The following GRID2 variants were observed in gnomAD, a reference collection of about 807,000 sequenced individuals.
GRID2 encodes the protein glutamate ionotropic receptor delta type subunit 2.
A neutral mutation model predicts 114.8 loss-of-function variants in GRID2; 33 were observed. The observed-to-expected ratio is 0.29, with a 90% CI of 0.22 to 0.38. The LOEUF is 0.38. Among genes scored for constraint, GRID2 ranks in the 10% least tolerant of loss-of-function variants. GRID2 has a pLI of 1.00. For missense variants in GRID2, 1,184 were observed against 1,257.7 expected, an observed-to-expected ratio of 0.94 and a Z score of 0.89; for synonymous variants, 505 against 449.9, an observed-to-expected ratio of 1.12 and a Z score of -1.55.
At chr4:93,367,896 A>C (rs540125948) in intron 8 of GRID2, among the ~76,000 whole-genome samples, 21 of 152,316 alleles carry the variant, frequency 1.4e-4, no homozygotes, top group African/African-American at 4.3e-4. Context: ...AAAATAAATA[A>C]CATAGGGTTG....
intron 9 of GRID2, among the ~76,000 whole-genome samples, chr4:93,401,573 A>C (rs1765889880): frequency 6.6e-6 from 1 of 152,144 alleles, no homozygotes; most frequent in East Asian, 1.9e-4. Context: ...ACATAAAGAG[A>C]ATAACTATTT....
rs192502288 is a variant in GRID2 at position 92,896,161 on chromosome 4, T to A, written c.245-188834T>A. Among the ~76,000 whole-genome samples, 146 of 152,276 alleles carry A rather than the reference T, an allele frequency of 9.6e-4. 3 individuals carry two copies. Among genetic ancestry groups the A allele is most frequent in the African/African-American group, 3.3e-3 (136 of 41,552 alleles). On this transcript the variant is annotated intron_variant, in intron 2 of 15. Transcript: ENST00000282020. ...ATAAGTACTAAAAAGAGAAGTTTTT[T>A]AAAAAGTCATAAAAATGCAAAACAA... is the stretch of plus-strand genomic sequence containing the variant.
chr4:93,413,340 A>G (rs1767391426), intron 9 of GRID2, among the ~76,000 whole-genome samples: 1 of 152,158 alleles, frequency 6.6e-6, no homozygotes, highest in Admixed American at 6.5e-5. Context: ...CATTGCTCTA[A>G]TGATCAGTGA....
At chr4:92,819,137 G>T (rs557037076) in intron 2 of GRID2, among the ~76,000 whole-genome samples, 2 of 151,926 alleles carry the variant, frequency 1.3e-5, no homozygotes, top group East Asian at 3.9e-4. Flanking sequence ...CAAATGTTAC[G>T]GCAATAGGAA....
In GRID2 at chr4:93,262,017, CTTCTTCCACAAA is replaced by C. The variant is rs922630609; in HGVS notation, c.1245+23528_1245+23539del. Among the ~76,000 whole-genome samples the C allele has an allele frequency of 1.1e-4, 17 of 151,624 alleles. No individual in the cohort carries two copies. In the East Asian group the frequency reaches 2.1e-3, roughly 19 times the overall value. ...CTGATCTTATCCGTCCAGCTTCTGGCTTCTTCCACAAAGGGTTTAAAGAAACTTGGAGAAATA... is the reference window on the plus strand; with the variant it reads ...CTGATCTTATCCGTCCAGCTTCTGGCGGGTTTAAAGAAACTTGGAGAAATA... On this transcript the variant is annotated intron_variant, in intron 8 of 15. Coordinates refer to ENST00000282020, the MANE Select transcript of GRID2 (RefSeq NM_001510.4).
intron 14 of GRID2, among the ~76,000 whole-genome samples, chr4:93,664,486 G>A (rs1723779914): frequency 6.6e-6 from 1 of 152,180 alleles, no homozygotes; most frequent in Admixed American, 6.5e-5. Flanking sequence ...ATGTGAAGTG[G>A]TCTGATTCTG....
At chr4:92,605,537 T>C (rs922322012) in intron 2 of GRID2, among the ~76,000 whole-genome samples, 3 of 152,070 alleles carry the variant, frequency 2.0e-5, no homozygotes, top group African/African-American at 4.8e-5. Context: ...ATGTGTATGA[T>C]TTAAAATCAA....
At chr4:93,113,547 A>T (rs1287979925) in intron 4 of GRID2, among the ~76,000 whole-genome samples, 5 of 152,236 alleles carry the variant, frequency 3.3e-5, no homozygotes, top group African/African-American at 1.2e-4. Context: ...TTTCCAGTTC[A>T]TCGTAGAAAC....
chr4:93,400,853 T>C lies in GRID2; in HGVS notation c.1347+5145T>C, dbSNP rs114381157. 7.6e-3 allele frequency among the ~76,000 whole-genome samples: 1,152 copies of C among 152,200 alleles called. 15 individuals are homozygous for C. Among genetic ancestry groups the C allele is most frequent in the African/African-American group, 0.026 (1,082 of 41,534 alleles). Reference sequence around the variant, plus strand: ...AGAGTTTTTTTGTTGTTTGTTTTTATTGAGACAGGCTCTCACTCCTTCACC... The same window carrying C: ...AGAGTTTTTTTGTTGTTTGTTTTTACTGAGACAGGCTCTCACTCCTTCACC... On this transcript the variant is annotated intron_variant, in intron 9 of 15. Coordinates refer to ENST00000282020, the MANE Select transcript of GRID2 (RefSeq NM_001510.4).
intron 14 of GRID2, among the ~76,000 whole-genome samples, chr4:93,683,286 C>G (rs1207576246): frequency 6.6e-6 from 1 of 151,996 alleles, no homozygotes; most frequent in African/African-American, 2.4e-5. Flanking sequence ...GAATAATGCA[C>G]TGAATTTTAA....
intron 2 of GRID2, among the ~76,000 whole-genome samples, chr4:92,792,893 AT>A (rs11456511): frequency 0.12 from 15,369 of 133,114 alleles, 738 homozygotes; most frequent in East Asian, 0.24. Context: ...CATAATATCC[AT>A]TTTTTTTTTT....
At chr4:93,667,390 T>TC (rs1724041230) in intron 14 of GRID2, among the ~76,000 whole-genome samples, 1 of 137,274 alleles carries the variant, frequency 7.3e-6, no homozygotes, top group African/African-American at 3.3e-5. Flanking sequence ...CTCTCTCTCT[T>TC]TTTTTTTTTT....
intron 2 of GRID2, among the ~76,000 whole-genome samples, chr4:92,832,261 G>A (rs1195594715): frequency 6.6e-6 from 1 of 152,074 alleles, no homozygotes; most frequent in South Asian, 2.1e-4. Flanking sequence ...CCACCAAGAT[G>A]AAACACGATC....
Position 92,599,974 on chromosome 4 carries a change from G to A in GRID2, c.244+9688G>A, listed in dbSNP as rs561199766. 7.7e-4 allele frequency among the ~76,000 whole-genome samples: 114 copies of A among 148,214 alleles called. 1 individual carries two copies. The highest frequency in any genetic ancestry group is 1.4e-3 in the Non-Finnish European group (91 of 67,268). ...TGGGAGGTGGACATTGCAACGAGGCGAGATTGCGCCACTGCACTCCAGCCT... is the reference window on the plus strand; with the variant it reads ...TGGGAGGTGGACATTGCAACGAGGCAAGATTGCGCCACTGCACTCCAGCCT... On this transcript the variant is annotated intron_variant, in intron 2 of 15. Coordinates refer to ENST00000282020, the MANE Select transcript of GRID2 (RefSeq NM_001510.4).
chr4:92,944,515 C>T (rs1469739704), intron 2 of GRID2, among the ~76,000 whole-genome samples: 2 of 152,224 alleles, frequency 1.3e-5, no homozygotes, highest in African/African-American at 4.8e-5. Context: ...TGACCCCTTA[C>T]ACTTCCCGGT....
Position 92,641,247 on chromosome 4 carries a change from A to C in GRID2, c.244+50961A>C, listed in dbSNP as rs370292691. ...GACATCCTAAATATATATATTATGA[A>C]AATTTCATATTATATTAAAAGGAAC... On this transcript the variant is annotated intron_variant, in intron 2 of 15. Coordinates refer to ENST00000282020, the MANE Select transcript of GRID2 (RefSeq NM_001510.4). Among the ~76,000 whole-genome samples the C allele has an allele frequency of 1.8e-4, 28 of 151,562 alleles. No homozygotes were observed. In the East Asian group the frequency reaches 4.9e-3, roughly 26 times the overall value.
chr4:93,630,337 C>T (rs10050006), intron 14 of GRID2, among the ~76,000 whole-genome samples: 70,339 of 151,896 alleles, frequency 0.46, 17,857 homozygotes, highest in African/African-American at 0.68. Flanking sequence ...TCATATGTTG[C>T]CTCATTAAAG....
chr4:93,318,907 A>C (rs1465926083), intron 8 of GRID2: 2 of 152,082 alleles, frequency 1.3e-5, no homozygotes, highest in Non-Finnish European at 2.9e-5. Flanking sequence ...ATTAGGCAAA[A>C]TTTATTTTTA....
Position 93,624,677 on chromosome 4 carries a change from G to A in GRID2, c.2194-1592G>A, listed in dbSNP as rs539956900. ...ATGTTGCTTTTCCTTGTTTAATAAT[G>A]TTACATTATTCTTTTAATATAAGCA... On this transcript the variant is annotated intron_variant, in intron 13 of 15. Transcript: ENST00000282020. Among the ~76,000 whole-genome samples, 4 of 152,090 alleles carry A rather than the reference G, an allele frequency of 2.6e-5. No individual in the cohort carries two copies. In the South Asian group the frequency reaches 8.3e-4, roughly 32 times the overall value.
Sources: gnomAD v4.1 joint callset for allele counts (sites outside exome capture counted in the v4.1 genomes callset) on GRCh38, gnomAD v4.1.1 for gene constraint, MANE v1.5 for transcripts, NCBI Gene and HGNC (gene_info 2026-07-23, HGNC 2026-07-21) for gene names.